Variants in GGT5 observed in about 807,000 individuals in gnomAD.
The protein encoded by GGT5 is gamma-glutamyltransferase 5, also known as glutathione hydrolase 5 proenzyme.
GGT5 carries 50 observed loss-of-function variants against 58.1 expected under a neutral mutation model. That is an observed-to-expected ratio of 0.86 (90% CI 0.69 to 1.09). GGT5 has a LOEUF of 1.09. GGT5 is among the 50% of genes least tolerant of loss of function. The pLI is 0.00. For missense variants in GGT5, 800 were observed against 789.4 expected (o/e 1.01, Z -0.16); for synonymous variants, 370 against 346.1 (o/e 1.07, Z -0.77).
Position 24,241,695 on chromosome 22 carries a change from CA to C in GGT5, c.173+2857del, listed in dbSNP as rs924953478. The C allele has an allele frequency of 6.6e-5, 10 of 151,250 alleles. No homozygotes were observed. The South Asian group carries it at 8.4e-4, about 13-fold the overall frequency. 9.4% of individuals were successfully genotyped at this position (151,250 alleles called of 1,614,324 possible). A position where few individuals can be genotyped will look rare whatever the true frequency, so the allele number is the denominator to read the frequency against. On this transcript the variant is annotated intron_variant, in intron 1 of 11. Transcript: ENST00000327365. Reference sequence around the variant, plus strand: ...AACCATCAGGAACGAGTAGAATATCCAAAAAACAACATACTAGGGGTATTAT... The same window carrying C: ...AACCATCAGGAACGAGTAGAATATCCAAAAACAACATACTAGGGGTATTAT...
rs141749175 is a variant in GGT5 at position 24,236,856 on chromosome 22, G to A, written c.174-2852C>T. 2.6e-3 allele frequency among the ~76,000 whole-genome samples: 393 copies of A among 151,918 alleles called. 3 individuals are homozygous for A. Among genetic ancestry groups the A allele is most frequent in the African/African-American group, 8.5e-3 (351 of 41,420 alleles). Reference sequence around the variant, plus strand: ...ACACTTCCCTCAGAGAACTAGAAAAGCCCAGCAAATAGAAAACATGTGCTT... The same window carrying A: ...ACACTTCCCTCAGAGAACTAGAAAAACCCAGCAAATAGAAAACATGTGCTT... On this transcript the variant is annotated intron_variant, in intron 1 of 11. Coordinates refer to ENST00000327365, the MANE Select transcript of GGT5 (RefSeq NM_004121.5).
At position 24,228,051 on chromosome 22, in the gene GGT5, AAAAAAAAAAAAAAAACAAAAC is replaced by A. The variant is rs1357952261; in HGVS notation, c.902-1305_902-1285del. Among the ~76,000 whole-genome samples, 15 of 112,424 alleles carry A rather than the reference AAAAAAAAAAAAAAAACAAAAC, an allele frequency of 1.3e-4. 1 individual carries two copies. Among genetic ancestry groups the A allele is most frequent in the East Asian group, 7.6e-4 (3 of 3,930 alleles). 73.8% of individuals were successfully genotyped at this position (112,424 alleles called of 152,430 possible). On this transcript the variant is annotated intron_variant, in intron 6 of 11. Transcript: ENST00000327365. Reference sequence around the variant, plus strand: ...TAAACAGAGCAAGACTCTGTCTCAAAAAAAAAAAAAAAAAACAAAACAAAAAAAAAAAAACTCTGAAAAATA... The same window carrying A: ...TAAACAGAGCAAGACTCTGTCTCAAAAAAAAAAAAAAAACTCTGAAAAATA...
At chr22:24,235,760 A>G (rs1371170145) in intron 1 of GGT5, among the ~76,000 whole-genome samples, 2 of 152,168 alleles carry the variant, frequency 1.3e-5, no homozygotes, top group African/African-American at 4.8e-5. Flanking sequence ...TCCTAACTAA[A>G]TGGAGTGCAC....
chr22:24,245,099 T>G, upstream of GGT5: 1 of 207,798 alleles, frequency 4.8e-6, no homozygotes, highest in Non-Finnish European at 9.7e-6. Flanking sequence ...ACGCCTCAAC[T>G]TCTGGTTTTC....
intron 1 of GGT5, among the ~76,000 whole-genome samples, chr22:24,236,800 T>G (rs1410114917): frequency 6.6e-6 from 1 of 150,642 alleles, no homozygotes; most frequent in East Asian, 1.9e-4. Context: ...TAAATCAGAC[T>G]TCCTGGTAAT....
At chr22:24,236,789 G>A (rs1344752046) in intron 1 of GGT5, among the ~76,000 whole-genome samples, 2 of 149,734 alleles carry the variant, frequency 1.3e-5, no homozygotes, top group African/African-American at 2.5e-5. Flanking sequence ...TCTGTTAAAC[G>A]TAAATCAGAC....
chr22:24,236,008 G>A (rs1164136588), intron 1 of GGT5, among the ~76,000 whole-genome samples: 1 of 152,082 alleles, frequency 6.6e-6, no homozygotes, highest in Non-Finnish European at 1.5e-5. Context: ...TTCTCCCTGG[G>A]TGAGTCCATC....
At chr22:24,228,085 A>AAAAAAAAAAAAC (rs2047830769) in intron 6 of GGT5, among the ~76,000 whole-genome samples, 1 of 146,688 alleles carries the variant, frequency 6.8e-6, no homozygotes, top group African/African-American at 2.5e-5. Context: ...AAAAAAAAAA[A>AAAAAAAAAAAAC]CTCTGAAAAA....
chr22:24,233,255 C>T (rs1267067080), intron 3 of GGT5, among the ~76,000 whole-genome samples: 1 of 152,224 alleles, frequency 6.6e-6, no homozygotes, highest in African/African-American at 2.4e-5. Context: ...CAACCCATCT[C>T]CACTGAACCC....
At chr22:24,227,230 G>A (rs55789978) in intron 6 of GGT5, among the ~76,000 whole-genome samples, 3,686 of 151,666 alleles carry the variant, frequency 0.024, 132 homozygotes, top group Admixed American at 0.11. Context: ...GATTACAGGC[G>A]TAAGCCATCA....
rs1021853466 is a variant in GGT5, at chr22:24,220,080, G to A, written c.1651C>T (p.Gln551Ter). Residue 551 changes from glutamine (Q) to a stop codon, truncating the protein, a stop_gained, in exon 12 of 12, where the codon CAG becomes TAG. Coordinates refer to ENST00000327365, the MANE Select transcript of GGT5 (RefSeq NM_004121.5). LOFTEE classifies it low-confidence loss of function (END_TRUNC). ...QRGLQDRGQN[Q>*]TQRPFFLNVV... The stretch of plus-strand genomic sequence containing the variant: ...TTCAGGAAGAAGGGCCTCTGGGTCT[G>A]GTTCTGGCCACGGTCTTGGAGTCCC... The A allele has an allele frequency of 1.2e-6, 2 of 1,614,200 alleles. No individual in the cohort carries two copies.
At chr22:24,240,589 T>C (rs1249578383) in intron 1 of GGT5, among the ~76,000 whole-genome samples, 2 of 151,902 alleles carry the variant, frequency 1.3e-5, no homozygotes, top group Non-Finnish European at 2.9e-5. Context: ...TCTAGCATCA[T>C]GCGATTCTCC....
Position 24,226,123 on chromosome 22 carries a change from C to T in GGT5, c.1182G>A (p.Leu394=), listed in dbSNP as rs764579741. ...CAGCCACGGCGCTGCCATCCTCCCC[C>T]AGCACAGACACATGGGACGTGCCTG... ...HGTGTSHVSV[L]GEDGSAVAAT... Residue 394 remains leucine (L), a synonymous_variant, in exon 8 of 12, where the codon CTG becomes CTA. Transcript: ENST00000327365. 19 of 1,609,912 alleles carry T rather than the reference C, an allele frequency of 1.2e-5. No individual in the cohort carries two copies. Among genetic ancestry groups the T allele is most frequent in the Non-Finnish European group, 1.6e-5 (19 of 1,178,726 alleles).
At chr22:24,231,551 C>T in intron 5 of GGT5, 21 bp from the exon 6 acceptor site, 1 of 1,582,402 alleles carries the variant, frequency 6.3e-7, no homozygotes, top group East Asian at 2.3e-5. Flanking sequence ...AAGGAGAGGG[C>T]TCCATGAACA....
At position 24,235,611 on chromosome 22, in the gene GGT5, G is replaced by C. The variant is rs8142646; in HGVS notation, c.174-1607C>G. 2.6e-3 allele frequency among the ~76,000 whole-genome samples: 403 copies of C among 152,282 alleles called. 1 individual carries two copies. Among genetic ancestry groups the C allele is most frequent in the African/African-American group, 9.1e-3 (377 of 41,540 alleles). On this transcript the variant is annotated intron_variant, in intron 1 of 11. Transcript: ENST00000327365. The stretch of plus-strand genomic sequence containing the variant: ...ACATGTAATCTTGGAACAGGAAAGA[G>C]AGCACAAAGCCAGAAAATGAAATAA...
chr22:24,236,489 C>T (rs1209153557), intron 1 of GGT5, among the ~76,000 whole-genome samples: 2 of 152,132 alleles, frequency 1.3e-5, no homozygotes, highest in African/African-American at 4.8e-5. Flanking sequence ...TAAGGCCGGG[C>T]GCGGTGGCTC....
upstream of GGT5, chr22:24,245,096 A>T (rs1172902967): frequency 4.7e-6 from 1 of 214,726 alleles, no homozygotes; most frequent in Non-Finnish European, 9.3e-6. Flanking sequence ...CTCACGCCTC[A>T]ACTTCTGGTT....
chr22:24,227,804 G>A (rs1186834066), intron 6 of GGT5, among the ~76,000 whole-genome samples: 1 of 151,904 alleles, frequency 6.6e-6, no homozygotes, highest in East Asian at 1.9e-4. Context: ...GCTCACACCT[G>A]TAGTCCCAGC....
chr22:24,231,589 G>A (rs371940112), intron 5 of GGT5, 59 bp from the exon 6 acceptor site: 1 of 1,520,014 alleles, frequency 6.6e-7, no homozygotes, highest in African/African-American at 1.4e-5. Context: ...GGGAGGAATA[G>A]CCACTGCTGT....
Sources: allele counts gnomAD v4.1 joint callset (sites outside exome capture counted in the v4.1 genomes callset), GRCh38; gene constraint gnomAD v4.1.1; transcripts MANE v1.5; gene names NCBI Gene and HGNC (gene_info 2026-07-23, HGNC 2026-07-21).